PEPD: variants seen among roughly 807,000 people sequenced by gnomAD.
PEPD encodes xaa-Pro dipeptidase.
PEPD carries 53 observed loss-of-function variants against 60.7 expected under a neutral mutation model. The ratio of observed to expected loss-of-function variants is 0.87; its 90% confidence interval spans 0.70 to 1.10. PEPD has a LOEUF of 1.10. PEPD is among the 50% of genes least tolerant of loss of function. The pLI, the probability that PEPD is intolerant of heterozygous loss-of-function variation, is 0.00. For synonymous variants in PEPD, 267 were observed against 284.1 expected (o/e 0.94, Z 0.60); for missense variants, 711 against 711.9 (o/e 1.00, Z 0.01).
Position 33,463,019 on chromosome 19 carries a change from C to A in PEPD, c.647G>T (p.Gly216Val), listed in dbSNP as rs779343404. Residue 216 changes from glycine to valine, a missense_variant, in exon 9 of 15, where the codon GGA (glycine) becomes GTA (valine). Coordinates refer to ENST00000244137, the MANE Select transcript of PEPD (RefSeq NM_000285.4). The part of the protein sequence containing the change: ...HREVMKAVKV[G>V]MKEYELESLF... ...CCTTTCCAACTCATATTCTTTCATTCCCACTTTTACAGCCTTCATTACCTG... is the reference window on the plus strand; with the variant it reads ...CCTTTCCAACTCATATTCTTTCATTACCACTTTTACAGCCTTCATTACCTG... 1.9e-6 allele frequency: 3 copies of A among 1,598,858 alleles called. No homozygotes were observed.
chr19:33,491,471 C>A (rs1257631763), intron 5 of PEPD, among the ~76,000 whole-genome samples: 1 of 152,108 alleles, frequency 6.6e-6, no homozygotes, highest in Non-Finnish European at 1.5e-5. Flanking sequence ...TTCTTCAGTG[C>A]CATAAAGAAA....
At chr19:33,477,931 T>C (rs1970248720) in intron 7 of PEPD, 115 bp downstream of exon 7, 3 of 763,700 alleles carry the variant, frequency 3.9e-6, no homozygotes, top group Non-Finnish European at 7.0e-6. Context: ...GAGAAGGTTC[T>C]GGGAATCTGC....
At chr19:33,467,068 A>C (rs1218361315) in intron 7 of PEPD, among the ~76,000 whole-genome samples, 1 of 151,706 alleles carries the variant, frequency 6.6e-6, no homozygotes, top group Non-Finnish European at 1.5e-5. Flanking sequence ...GAGGCAGGAG[A>C]ATGGTGTGAA....
chr19:33,493,867 G>C (rs1238821087), intron 4 of PEPD, among the ~76,000 whole-genome samples: 1 of 151,972 alleles, frequency 6.6e-6, no homozygotes, highest in Non-Finnish European at 1.5e-5. Context: ...GACCCACTTG[G>C]ACCTCCTGCC....
chr19:33,496,500 A>G (rs1970605569), intron 4 of PEPD, among the ~76,000 whole-genome samples: 1 of 152,104 alleles, frequency 6.6e-6, no homozygotes, highest in South Asian at 2.1e-4. Flanking sequence ...GCCCTTCCCC[A>G]TGGAGACCCA....
intron 5 of PEPD, among the ~76,000 whole-genome samples, chr19:33,491,339 A>G (rs578222370): frequency 7.8e-4 from 119 of 152,068 alleles, no homozygotes; most frequent in Admixed American, 2.1e-3. Context: ...AATCCCAGCT[A>G]CTCAGGAGGC....
At chr19:33,451,068 G>T (rs186235411) in intron 9 of PEPD, among the ~76,000 whole-genome samples, 95 of 152,348 alleles carry the variant, frequency 6.2e-4, no homozygotes, top group Middle Eastern at 6.8e-3. Context: ...GCCCTGAGCT[G>T]CGGCTCTCAG....
At chr19:33,481,139 G>A (rs1384853905) in intron 6 of PEPD, among the ~76,000 whole-genome samples, 1 of 152,074 alleles carries the variant, frequency 6.6e-6, no homozygotes, top group Non-Finnish European at 1.5e-5. Flanking sequence ...GAATGAAAAA[G>A]GGGGAAATTA....
chr19:33,483,224 A>G (rs935988195), intron 6 of PEPD, among the ~76,000 whole-genome samples: 37 of 152,250 alleles, frequency 2.4e-4, no homozygotes, highest in African/African-American at 8.9e-4. Flanking sequence ...GCAGAAAAGA[A>G]CACTGAAAAT....
chr19:33,390,387 C>CA (rs1337769593), intron 13 of PEPD, among the ~76,000 whole-genome samples: 1 of 152,256 alleles, frequency 6.6e-6, no homozygotes, highest in Non-Finnish European at 1.5e-5. Context: ...TAACTGTTTA[C>CA]ACTTGAGGAA....
chr19:33,421,313 G>A (rs1298405001), intron 9 of PEPD, among the ~76,000 whole-genome samples: 1 of 152,170 alleles, frequency 6.6e-6, no homozygotes, highest in Non-Finnish European at 1.5e-5. Flanking sequence ...TCACTGTCCT[G>A]AAACTTCCTC....
chr19:33,501,059 C>T (rs536033811), intron 3 of PEPD, 58 bp from the exon 4 acceptor site: 1 of 1,021,476 alleles, frequency 9.8e-7, no homozygotes, highest in South Asian at 1.3e-5. Flanking sequence ...TCAGCATGGC[C>T]ACCTTCCTGC....
chr19:33,463,325 G>C (rs1969963876), intron 8 of PEPD, among the ~76,000 whole-genome samples: 1 of 152,224 alleles, frequency 6.6e-6, no homozygotes, highest in East Asian at 1.9e-4. Flanking sequence ...AGGACAGTGA[G>C]GATTTAACCA....
rs1378325573 is a variant in PEPD at position 33,489,958 on chromosome 19, GATGGTGGGGA to G, written c.503+28_503+37del. Reference sequence around the variant, plus strand: ...CCTGCTAGTGAAGGTGGGAGTGGGGGATGGTGGGGAAAGAGTCCCTGGGGGCCCAGGACTC... The same window carrying G: ...CCTGCTAGTGAAGGTGGGAGTGGGGGAAGAGTCCCTGGGGGCCCAGGACTC... On this transcript the variant is annotated intron_variant, in intron 6 of 14. Coordinates refer to ENST00000244137, the MANE Select transcript of PEPD (RefSeq NM_000285.4). The G allele has an allele frequency of 6.3e-6, 8 of 1,269,374 alleles. No homozygotes were observed. In the Admixed American group the frequency reaches 1.5e-4, roughly 23 times the overall value. The allele number at this position is 1,269,374 out of a possible 1,614,324, so 78.6% of individuals were successfully genotyped here. A position where few individuals can be genotyped will look rare whatever the true frequency, so the allele number is the denominator to read the frequency against.
At chr19:33,441,835 C>T (rs117684449) in intron 9 of PEPD, among the ~76,000 whole-genome samples, 5,225 of 152,328 alleles carry the variant, frequency 0.034, 137 homozygotes, top group Admixed American at 0.056. Context: ...ATTCATAATG[C>T]AATAGGTATT....
At chr19:33,444,453 G>A (rs565952368) in intron 9 of PEPD, among the ~76,000 whole-genome samples, 4 of 151,410 alleles carry the variant, frequency 2.6e-5, no homozygotes, top group South Asian at 2.1e-4. Context: ...GCCAGGCAGC[G>A]GATGCATGCC....
intron 6 of PEPD, among the ~76,000 whole-genome samples, chr19:33,479,013 A>C (rs905590971): frequency 6.6e-6 from 1 of 152,224 alleles, no homozygotes; most frequent in Non-Finnish European, 1.5e-5. Flanking sequence ...ATCTGTATTG[A>C]TAAGTACAAA....
chr19:33,404,413 G>C (rs1968570299), intron 11 of PEPD, among the ~76,000 whole-genome samples: 1 of 152,096 alleles, frequency 6.6e-6, no homozygotes, highest in South Asian at 2.1e-4. Flanking sequence ...CTACCGGACT[G>C]TGCTGACACA....
At chr19:33,404,173 C>G (rs1968563475) in intron 11 of PEPD, among the ~76,000 whole-genome samples, 1 of 152,186 alleles carries the variant, frequency 6.6e-6, no homozygotes, top group Non-Finnish European at 1.5e-5. Context: ...TGCTGTAGCT[C>G]TGGGGAGTGG....
Sources: gnomAD v4.1 joint callset for allele counts (sites outside exome capture counted in the v4.1 genomes callset) on GRCh38, gnomAD v4.1.1 for gene constraint, MANE v1.5 for transcripts, NCBI Gene and HGNC (gene_info 2026-07-23, HGNC 2026-07-21) for gene names.